TUB: variants seen among roughly 807,000 people sequenced by gnomAD.
The protein encoded by TUB is TUB bipartite transcription factor, also known as tubby protein homolog.
In TUB, 33 loss-of-function variants were observed where a neutral mutation model predicts 59.7. The observed-to-expected ratio is 0.55, with a 90% confidence interval of 0.42 to 0.74. The LOEUF (loss-of-function observed/expected upper bound fraction) is 0.74. Among genes scored for constraint, TUB ranks in the 30% least tolerant of loss-of-function variants. TUB has a pLI of 0.00. For missense variants in TUB, 659 were observed against 672.0 expected (o/e 0.98, Z 0.21); for synonymous variants, 293 against 256.4 (o/e 1.14, Z -1.36).
chr11:8,096,558 A>G, intron 5 of TUB, 127 bp from the exon 6 acceptor site: 1 of 715,658 alleles, frequency 1.4e-6, no homozygotes, highest in East Asian at 2.5e-5. Context: ...TATGGCTAAG[A>G]GTGTGTGCAT....
chr11:8,074,700 C>T (rs1018575929), intron 2 of TUB, among the ~76,000 whole-genome samples: 55 of 149,850 alleles, frequency 3.7e-4, no homozygotes, highest in Admixed American at 3.0e-3. Flanking sequence ...AATAGCGCCA[C>T]TTATACTCCA....
rs938288310 is a variant in TUB, at chr11:8,102,647, G to C, written c.*1028G>C. On this transcript the variant is annotated 3_prime_UTR_variant, in exon 12 of 12. Coordinates refer to ENST00000299506, the MANE Select transcript of TUB (RefSeq NM_177972.3). ...AGACCCAACTTTCTCACTGCTGTCA[G>C]CCAAGTCATGGTTGGTAACCATGTA... 1.3e-5 allele frequency: 2 copies of C among 152,224 alleles called. No individual in the cohort carries two copies. The highest frequency in any genetic ancestry group is 2.4e-5 in the African/African-American group (1 of 41,436). 9.4% of individuals were successfully genotyped at this position (152,224 alleles called of 1,614,324 possible).
Position 8,101,551 on chromosome 11 carries a change from C to T in TUB, c.1453C>T (p.Pro485Ser), listed in dbSNP as rs1944306905. ...EDVFTMDYNY[P>S]LCALQAFAIA... ...TGTGTTCACCATGGATTACAACTAC[C>T]CGCTGTGTGCACTGCAGGCCTTTGC... Residue 485 changes from proline to serine, a missense_variant, in exon 12 of 12, where the codon CCG becomes TCG. Transcript: ENST00000299506. The T allele has an allele frequency of 1.2e-6, 2 of 1,614,252 alleles. No homozygotes were observed. The highest frequency in any genetic ancestry group is 8.5e-7 in the Non-Finnish European group (1 of 1,180,048).
chr11:8,083,499 G>T (rs2133819051), intron 1 of TUB, among the ~76,000 whole-genome samples: 1 of 152,282 alleles, frequency 6.6e-6, no homozygotes, highest in Admixed American at 6.5e-5. Context: ...CAGGAAGGTA[G>T]AACTGTCTCT....
In TUB at chr11:8,100,332, G is replaced by T. The variant is rs192758786; in HGVS notation, c.1117-171G>T. ...GCATAAGAGGAGCTAGTTCTGGCAG[G>T]GTAGAGACCCAGGGGCTCAGTTCTG... On this transcript the variant is annotated intron_variant, in intron 9 of 11. Coordinates refer to ENST00000299506, the MANE Select transcript of TUB (RefSeq NM_177972.3). 1.1e-3 allele frequency among the ~76,000 whole-genome samples: 171 copies of T among 152,232 alleles called. 1 individual carries two copies. Among genetic ancestry groups the T allele is most frequent in the Non-Finnish European group, 1.8e-3 (120 of 68,006 alleles).
At chr11:8,031,180 G>A (rs565057942) in intron 1 of TUB, among the ~76,000 whole-genome samples, 127 of 152,350 alleles carry the variant, frequency 8.3e-4, no homozygotes, top group African/African-American at 2.9e-3. Flanking sequence ...TTCTATGGAA[G>A]CAGGTATGTA....
rs1944011782 is a variant in TUB, at chr11:8,096,763, G to A, written c.644G>A (p.Ser215Asn). Residue 215 changes from serine to asparagine, a missense_variant, in exon 6 of 12, where the codon AGT (serine) becomes AAT (asparagine). Physicochemically the swap from Ser to Asn is conservative, Grantham distance 46. This residue lies in a region of TUB where 321 missense variants were observed against 304.3 expected (regional missense o/e 1.05). Transcript: ENST00000299506. ...AGCTCCAGCTCCTCCCAGCTAAATA[G>A]TAACACCCGCCCCAGCTCTGCTACT... is the stretch of plus-strand genomic sequence containing the variant. Reference protein sequence around the residue: ...ENSSSSSQLNSNTRPSSATSR... With the variant: ...ENSSSSSQLNNNTRPSSATSR... 6.2e-7 allele frequency: 1 copy of A among 1,614,044 alleles called. No individual in the cohort carries two copies. The highest frequency in any genetic ancestry group is 8.5e-7 in the Non-Finnish European group (1 of 1,180,008).
At chr11:8,049,561 G>GTGTA (rs774091068) in intron 2 of TUB, among the ~76,000 whole-genome samples, 2 of 124,260 alleles carry the variant, frequency 1.6e-5, no homozygotes, top group African/African-American at 3.2e-5. Flanking sequence ...GTATTATGTG[G>GTGTA]TATATATATA....
At chr11:8,069,949 T>C (rs1397382881) in intron 2 of TUB, among the ~76,000 whole-genome samples, 2 of 152,170 alleles carry the variant, frequency 1.3e-5, no homozygotes, top group Non-Finnish European at 2.9e-5. Flanking sequence ...TAATCTGCCA[T>C]CCTGGGATGT....
intron 2 of TUB, among the ~76,000 whole-genome samples, chr11:8,043,262 C>G (rs1301164163): frequency 6.6e-6 from 1 of 152,176 alleles, no homozygotes; most frequent in Non-Finnish European, 1.5e-5. Context: ...TATTTCTGGG[C>G]TCTCAATTCC....
chr11:8,072,586 C>T (rs908185315), intron 2 of TUB, among the ~76,000 whole-genome samples: 2 of 152,208 alleles, frequency 1.3e-5, no homozygotes, highest in Non-Finnish European at 2.9e-5. Flanking sequence ...GCTCTAAGTA[C>T]TAAATGTTGT....
At position 8,095,540 on chromosome 11, in the gene TUB, C is replaced by A; in HGVS notation, c.440C>A (p.Ala147Asp). 3.7e-6 allele frequency: 6 copies of A among 1,613,122 alleles called. No homozygotes were observed. The highest frequency in any genetic ancestry group is 5.1e-6 in the Non-Finnish European group (6 of 1,179,976). The part of the protein sequence containing the change: ...PAALAEDKSE[A>D]QGPVQILTVG... Reference sequence around the variant, plus strand: ...GCACTGGCAGAAGACAAGTCTGAGGCCCAAGGCCCAGTGCAGATTCTGACT... The same window carrying A: ...GCACTGGCAGAAGACAAGTCTGAGGACCAAGGCCCAGTGCAGATTCTGACT... The change falls in exon 5 of 12, where the codon GCC becomes GAC. Residue 147 changes from alanine to aspartate, a missense_variant. Ala to Asp is a moderately radical substitution (Grantham distance 126). Coordinates refer to ENST00000299506, the MANE Select transcript of TUB (RefSeq NM_177972.3).
chr11:8,062,675 T>C (rs1943155406), intron 2 of TUB, among the ~76,000 whole-genome samples: 1 of 152,156 alleles, frequency 6.6e-6, no homozygotes, highest in Non-Finnish European at 1.5e-5. Flanking sequence ...GTTTGCATCA[T>C]GAGAAGCCCT....
intron 9 of TUB, among the ~76,000 whole-genome samples, chr11:8,099,731 G>A (rs1944173302): frequency 6.6e-6 from 1 of 152,178 alleles, no homozygotes; most frequent in Non-Finnish European, 1.5e-5. Flanking sequence ...GAAATGTCAA[G>A]GTATGTGTGA....
Position 8,081,398 on chromosome 11 carries a change from C to CCGGCCCGGGAGGATGCGGCCCGGGG in TUB, c.-101_-77dup. The CCGGCCCGGGAGGATGCGGCCCGGGG allele has an allele frequency of 9.8e-7, 1 of 1,018,402 alleles. No homozygotes were observed. The highest frequency in any genetic ancestry group is 1.2e-6 in the Non-Finnish European group (1 of 852,564). 63.1% of individuals were successfully genotyped at this position (1,018,402 alleles called of 1,614,324 possible). On this transcript the variant is annotated 5_prime_UTR_variant, in exon 1 of 12. The change creates a new upstream start codon in the 5' untranslated region. Transcript: ENST00000299506. ...GCGGGCCTCGGCGGGGCCCAGCGCC[C>CCGGCCCGGGAGGATGCGGCCCGGGG]CGGCCCGGGAGGATGCGGCCCGGGG...
Position 8,101,991 on chromosome 11 carries a change from TG to T in TUB, c.*374del. ...GAGGAAGCACACTGCAGGGCTGCTG[TG>T]GCCCAGTCGTCCGCTCAGCCAAGGA... On this transcript the variant is annotated 3_prime_UTR_variant, in exon 12 of 12. Transcript: ENST00000299506. The T allele has an allele frequency of 4.1e-6, 1 of 241,226 alleles. No individual in the cohort carries two copies. Among genetic ancestry groups the T allele is most frequent in the Non-Finnish European group, 8.1e-6 (1 of 123,800 alleles). 14.9% of individuals were successfully genotyped at this position (241,226 alleles called of 1,614,324 possible).
intron 2 of TUB, among the ~76,000 whole-genome samples, chr11:8,051,040 A>C (rs1942927372): frequency 6.6e-6 from 1 of 152,148 alleles, no homozygotes; most frequent in Non-Finnish European, 1.5e-5. Context: ...TCAGGAGGGG[A>C]GCCCGGGGAG....
chr11:8,047,544 T>C (rs1293872429), intron 2 of TUB, among the ~76,000 whole-genome samples: 1 of 152,168 alleles, frequency 6.6e-6, no homozygotes, highest in South Asian at 2.1e-4. Flanking sequence ...CAAGGCCAGA[T>C]GCCCTCGAGT....
Position 8,097,444 on chromosome 11 carries a change from T to G in TUB, c.885+19T>G. 1 of 1,614,178 alleles carries G rather than the reference T, an allele frequency of 6.2e-7. No individual in the cohort carries two copies. The highest frequency in any genetic ancestry group is 8.5e-7 in the Non-Finnish European group (1 of 1,180,012). On this transcript the variant is annotated intron_variant, in intron 7 of 11. Coordinates refer to ENST00000299506, the MANE Select transcript of TUB (RefSeq NM_177972.3). ...GAAGAAGGTAAGGTTGGTCTGGGCA[T>G]GTTATCATCTAGGCTTTACAGCCCT... is the stretch of plus-strand genomic sequence containing the variant.
Sources: allele counts gnomAD v4.1 joint callset (sites outside exome capture counted in the v4.1 genomes callset), GRCh38; gene constraint gnomAD v4.1.1; regional missense constraint gnomAD v4.1.1; transcripts MANE v1.5; gene names NCBI Gene and HGNC (gene_info 2026-07-23, HGNC 2026-07-21).